Variants in MSH3 observed in about 807,000 individuals in gnomAD.
The protein encoded by MSH3 is DNA mismatch repair protein Msh3.
MSH3 carries 106 observed loss-of-function variants against 123.3 expected under a neutral mutation model. The observed-to-expected ratio is 0.86, with a 90% CI of 0.73 to 1.01. The LOEUF (loss-of-function observed/expected upper bound fraction) is 1.01, where lower values mean the gene tolerates loss of function less well. MSH3 is among the 50% of genes least tolerant of loss of function. The pLI is 0.00. For missense variants in MSH3, 1,459 were observed against 1,347.6 expected (o/e 1.08, Z -1.29); for synonymous variants, 515 against 481.4 (o/e 1.07, Z -0.91).
At chr5:80,673,178 G>A (rs949719070) in intron 6 of MSH3, among the ~76,000 whole-genome samples, 6 of 152,204 alleles carry the variant, frequency 3.9e-5, no homozygotes, top group Non-Finnish European at 8.8e-5. Flanking sequence ...GTGGGAAGTA[G>A]TTAGGTGCTT....
intron 20 of MSH3, among the ~76,000 whole-genome samples, chr5:80,838,025 C>G (rs956788373): frequency 3.3e-5 from 5 of 152,186 alleles, no homozygotes; most frequent in African/African-American, 1.2e-4. Flanking sequence ...TGACAGTGAA[C>G]TTCTTCAAAG....
chr5:80,814,243 T>G (rs1353143022), intron 20 of MSH3, among the ~76,000 whole-genome samples: 1 of 152,164 alleles, frequency 6.6e-6, no homozygotes, highest in East Asian at 1.9e-4. Flanking sequence ...TCCAAATTAT[T>G]TTTAATTATT....
chr5:80,874,283 CCTT>C (rs1335006850), intron 23 of MSH3, among the ~76,000 whole-genome samples: 6 of 152,178 alleles, frequency 3.9e-5, no homozygotes, highest in Admixed American at 3.9e-4. Context: ...TTCTCTACCT[CCTT>C]CTCCTGTGCT....
intron 20 of MSH3, among the ~76,000 whole-genome samples, chr5:80,838,136 G>C (rs935406783): frequency 1.3e-5 from 2 of 152,166 alleles, no homozygotes; most frequent in Non-Finnish European, 2.9e-5. Context: ...TAGTCTGATG[G>C]TTCAAAGCAA....
At chr5:80,831,705 A>G (rs1051568867) in intron 20 of MSH3, among the ~76,000 whole-genome samples, 1 of 151,914 alleles carries the variant, frequency 6.6e-6, no homozygotes, top group Non-Finnish European at 1.5e-5. Flanking sequence ...AAAAAAAAAA[A>G]CAAGCTTTGA....
chr5:80,841,112 G>A (rs899512030), intron 20 of MSH3, among the ~76,000 whole-genome samples: 1 of 151,724 alleles, frequency 6.6e-6, no homozygotes, highest in African/African-American at 2.4e-5. Context: ...GTGTCCAAGT[G>A]TTCTCATTGT....
chr5:80,818,589 A>G (rs1745148272), intron 20 of MSH3, among the ~76,000 whole-genome samples: 1 of 152,132 alleles, frequency 6.6e-6, no homozygotes, highest in Admixed American at 6.5e-5. Flanking sequence ...CAGGGTATCT[A>G]ATGATACTGA....
chr5:80,780,853 G>C (rs1430469155), intron 17 of MSH3, among the ~76,000 whole-genome samples: 1 of 152,054 alleles, frequency 6.6e-6, no homozygotes, highest in Non-Finnish European at 1.5e-5. Context: ...GGGCAACAGA[G>C]CGTGACTGTC....
At chr5:80,659,632 T>C (rs541466377) in intron 2 of MSH3, among the ~76,000 whole-genome samples, 1 of 152,288 alleles carries the variant, frequency 6.6e-6, no homozygotes, top group East Asian at 1.9e-4. Flanking sequence ...AAAATATACA[T>C]AACATAAAAT....
rs1580540118 is a variant in MSH3, at chr5:80,655,805, G to C, written c.238-606G>C. Among the ~76,000 whole-genome samples the C allele has an allele frequency of 2.0e-5, 3 of 151,878 alleles. No homozygotes were observed. In the Middle Eastern group the frequency reaches 0.01, roughly 517 times the overall value. ...CCCTTAAAATGATTACTCCTCTTCT[G>C]TTTTTTTTGAGGACGAGCTACGTTT... On this transcript the variant is annotated intron_variant, in intron 1 of 23. Coordinates refer to ENST00000265081, the MANE Select transcript of MSH3 (RefSeq NM_002439.5).
intron 19 of MSH3, among the ~76,000 whole-genome samples, chr5:80,795,467 C>A (rs1242278802): frequency 6.6e-6 from 1 of 152,076 alleles, no homozygotes; most frequent in South Asian, 2.1e-4. Context: ...TGACACCTCA[C>A]ATGGTGGAAT....
chr5:80,870,425 C>T (rs922945194), intron 22 of MSH3, among the ~76,000 whole-genome samples: 4 of 152,172 alleles, frequency 2.6e-5, no homozygotes, highest in South Asian at 4.2e-4. Context: ...TAAGAAATGG[C>T]TTTTTTTGAT....
intron 20 of MSH3, 60 bp from the exon 21 acceptor site, chr5:80,854,070 G>A (rs532879509): frequency 1.5e-4 from 204 of 1,322,880 alleles, no homozygotes; most frequent in Middle Eastern, 1.1e-3. Flanking sequence ...ATAAAATAAT[G>A]TTCGGCTTCC....
At chr5:80,826,737 C>G (rs1291964309) in intron 20 of MSH3, among the ~76,000 whole-genome samples, 5 of 151,906 alleles carry the variant, frequency 3.3e-5, no homozygotes, top group Admixed American at 2.6e-4. Context: ...TTAGTAGAGA[C>G]GGAGTTTCAC....
At chr5:80,845,853 C>T (rs1009871363) in intron 20 of MSH3, among the ~76,000 whole-genome samples, 1 of 152,108 alleles carries the variant, frequency 6.6e-6, no homozygotes, top group Non-Finnish European at 1.5e-5. Context: ...AGAACATGCT[C>T]CTTTTGCTTG....
intron 2 of MSH3, among the ~76,000 whole-genome samples, chr5:80,660,083 CT>C (rs555124595): frequency 1.5e-3 from 230 of 152,246 alleles, no homozygotes; most frequent in Admixed American, 4.3e-3. Context: ...CATTTTCACA[CT>C]GCTGATAAAG....
Sources: allele counts gnomAD v4.1 joint callset (sites outside exome capture counted in the v4.1 genomes callset), GRCh38; gene constraint gnomAD v4.1.1; transcripts MANE v1.5; gene names NCBI Gene and HGNC (gene_info 2026-07-23, HGNC 2026-07-21).